MYO5B: variants seen among roughly 807,000 people sequenced by gnomAD.
The protein encoded by MYO5B is unconventional myosin-Vb.
MYO5B carries 143 observed loss-of-function variants against 229.3 expected under a neutral mutation model. The ratio of observed to expected loss-of-function variants is 0.62; its 90% CI spans 0.54 to 0.72. The LOEUF (loss-of-function observed/expected upper bound fraction) is 0.72. Among genes scored for constraint, MYO5B ranks in the 30% least tolerant of loss-of-function variants. The probability of loss-of-function intolerance (pLI) is 0.00; values close to 1 mark genes in which losing one functional copy is unlikely to be tolerated. For missense variants in MYO5B, 2,321 were observed against 2,331.0 expected (o/e 1.00, Z 0.09); for synonymous variants, 918 against 885.2 (o/e 1.04, Z -0.66).
chr18:50,131,206 C>A (rs2032249280), intron 1 of MYO5B, among the ~76,000 whole-genome samples: 1 of 152,204 alleles, frequency 6.6e-6, no homozygotes, highest in Non-Finnish European at 1.5e-5. Context: ...TGCATAGAAA[C>A]TTAGTCCTGA....
intron 14 of MYO5B, among the ~76,000 whole-genome samples, chr18:49,942,372 C>A: frequency 8.5e-6 from 1 of 117,878 alleles, no homozygotes. Flanking sequence ...TAAAGAGCTT[C>A]TGCACAGCAA....
At chr18:50,056,536 C>T (rs1303938875) in intron 1 of MYO5B, among the ~76,000 whole-genome samples, 1 of 152,140 alleles carries the variant, frequency 6.6e-6, no homozygotes, top group Non-Finnish European at 1.5e-5. Context: ...GCTTCTTTGG[C>T]CATAGAATAT....
At chr18:49,995,463 G>A (rs909081947) in intron 5 of MYO5B, among the ~76,000 whole-genome samples, 1 of 151,304 alleles carries the variant, frequency 6.6e-6, no homozygotes, top group African/African-American at 2.4e-5. Context: ...GTTTCACCGT[G>A]TTAGCCAGGA....
intron 1 of MYO5B, among the ~76,000 whole-genome samples, chr18:50,191,568 TG>T (rs2033227064): frequency 3.9e-5 from 6 of 152,230 alleles, no homozygotes; most frequent in Admixed American, 2.0e-4. Flanking sequence ...AAAATCAAAT[TG>T]AGTGTTTTCT....
At chr18:50,043,355 A>ATAT (rs1446397326) in intron 2 of MYO5B, among the ~76,000 whole-genome samples, 237 of 115,318 alleles carry the variant, frequency 2.1e-3, no homozygotes, top group Non-Finnish European at 3.5e-3. Flanking sequence ...TATATATAAT[A>ATAT]TAAATATATT....
At chr18:49,895,554 T>C (rs2024769021) in intron 21 of MYO5B, among the ~76,000 whole-genome samples, 1 of 148,360 alleles carries the variant, frequency 6.7e-6, no homozygotes, top group African/African-American at 2.6e-5. Context: ...TTAGGTTTCT[T>C]TGCTCTTTCA....
At chr18:49,979,807 G>A (rs1023257758) in intron 9 of MYO5B, among the ~76,000 whole-genome samples, 1 of 152,202 alleles carries the variant, frequency 6.6e-6, no homozygotes, top group African/African-American at 2.4e-5. Context: ...TTAAATTCCA[G>A]AAGGCACAGC....
chr18:50,054,469 A>T (rs754851432), intron 2 of MYO5B, among the ~76,000 whole-genome samples: 1 of 152,166 alleles, frequency 6.6e-6, no homozygotes, highest in East Asian at 1.9e-4. Flanking sequence ...GCACTGAGCT[A>T]TCTGAAACAG....
rs2023833866 is a variant in MYO5B at position 49,825,641 on chromosome 18, C to T, written c.*830G>A. The stretch of plus-strand genomic sequence containing the variant: ...CTATAAATAAAACAAGTTTGTTATC[C>T]GTTTCTAATATTTAGCTTATATACA... On this transcript the variant is annotated 3_prime_UTR_variant, in exon 40 of 40. Coordinates refer to ENST00000285039, the MANE Select transcript of MYO5B (RefSeq NM_001080467.3). 2 of 152,180 alleles carry T rather than the reference C, an allele frequency of 1.3e-5. No homozygotes were observed. The highest frequency in any genetic ancestry group is 6.5e-5 in the Admixed American group (1 of 15,278). 9.4% of individuals were successfully genotyped at this position (152,180 alleles called of 1,614,324 possible).
At position 49,952,872 on chromosome 18, in the gene MYO5B, C is replaced by CTG. The variant is rs2025444472; in HGVS notation, c.1752+386_1752+387dup. ...TGATGGGGTTTAAATAATCTTACAT[C>CTG]TGCAGGCAGGAGACGGAGGACAGAT... On this transcript the variant is annotated intron_variant, in intron 14 of 39. Coordinates refer to ENST00000285039, the MANE Select transcript of MYO5B (RefSeq NM_001080467.3). Among the ~76,000 whole-genome samples the CTG allele has an allele frequency of 2.6e-5, 4 of 152,036 alleles. No individual in the cohort carries two copies. The South Asian group carries it at 8.3e-4, about 32-fold the overall frequency.
intron 1 of MYO5B, among the ~76,000 whole-genome samples, chr18:50,114,129 T>G (rs931301056): frequency 2.0e-5 from 3 of 152,162 alleles, no homozygotes; most frequent in Non-Finnish European, 4.4e-5. Flanking sequence ...AATAAGCAGT[T>G]GCAATGAGGA....
At position 49,843,231 on chromosome 18, in the gene MYO5B, G is replaced by A. The variant is rs779824302; in HGVS notation, c.4611+10C>T. 22 of 1,613,456 alleles carry A rather than the reference G, an allele frequency of 1.4e-5. No individual in the cohort carries two copies. The highest frequency in any genetic ancestry group is 1.8e-5 in the Non-Finnish European group (21 of 1,180,010). ...ACCACAAACCATGACCTTCTGCAGG[G>A]GCTGCTTACTTTCAGGACTTTCTTA... On this transcript the variant is annotated intron_variant, in intron 34 of 39. Coordinates refer to ENST00000285039, the MANE Select transcript of MYO5B (RefSeq NM_001080467.3).
intron 28 of MYO5B, among the ~76,000 whole-genome samples, 168 bp from the exon 29 acceptor site, chr18:49,863,495 T>C (rs1331565079): frequency 6.6e-6 from 1 of 152,124 alleles, no homozygotes; most frequent in Non-Finnish European, 1.5e-5. Context: ...AAAGGTCATC[T>C]TGGAAGAGAC....
At chr18:49,967,154 G>T (rs548305169) in intron 10 of MYO5B, among the ~76,000 whole-genome samples, 128 of 152,244 alleles carry the variant, frequency 8.4e-4, no homozygotes, top group African/African-American at 2.9e-3. Flanking sequence ...GTGGCATCTG[G>T]TCTCTCGATG....
intron 14 of MYO5B, among the ~76,000 whole-genome samples, chr18:49,942,171 T>C (rs993138221): frequency 1.3e-5 from 2 of 151,294 alleles, no homozygotes; most frequent in Non-Finnish European, 2.9e-5. Context: ...CCTTACACCT[T>C]ATACAAAAAT....
At chr18:49,852,540 G>C (rs1411210028) in intron 31 of MYO5B, among the ~76,000 whole-genome samples, 1 of 152,150 alleles carries the variant, frequency 6.6e-6, no homozygotes, top group Non-Finnish European at 1.5e-5. Flanking sequence ...AACCACAGAT[G>C]ATCTGGTTAT....
rs189765436 is a variant in MYO5B at position 49,920,615 on chromosome 18, C to T, written c.2091-8442G>A. On this transcript the variant is annotated intron_variant, in intron 17 of 39. Coordinates refer to ENST00000285039, the MANE Select transcript of MYO5B (RefSeq NM_001080467.3). ...CCTCCCCACTGGCTCCGAGTTGGAG[C>T]TGAGACACAAAGTGAGGACACAGGA... 2.6e-3 allele frequency among the ~76,000 whole-genome samples: 403 copies of T among 152,274 alleles called. 8 individuals carry two copies. In the South Asian group the frequency reaches 0.042, roughly 16 times the overall value.
Position 49,880,379 on chromosome 18 carries a change from T to G in MYO5B, c.3122A>C (p.Gln1041Pro). ...KEQLNNQILC[Q>P]SKDEFAQNSV... is the part of the protein sequence containing the mutation. ...AGTGCTTTGGTACTTACCTTTAGAC[T>G]GGCACAGGATTTGGTTGTTGAGCTG... Residue 1041 changes from glutamine to proline, a missense_variant, in exon 23 of 40, where the codon CAG (glutamine) becomes CCG (proline). This residue lies in a region of MYO5B where 2,113 missense variants were observed against 2,044.7 expected (regional missense o/e 1.03). Transcript: ENST00000285039. 1 of 1,613,910 alleles carries G rather than the reference T, an allele frequency of 6.2e-7. No homozygotes were observed. The highest frequency in any genetic ancestry group is 2.2e-5 in the East Asian group (1 of 44,866).
At chr18:49,880,231 A>T in intron 23 of MYO5B, 140 bp downstream of exon 23, 1 of 757,272 alleles carries the variant, frequency 1.3e-6, no homozygotes, top group Non-Finnish European at 2.4e-6. Context: ...AAAGGTCATT[A>T]TTCTTCATCT....
Sources: allele counts gnomAD v4.1 joint callset (sites outside exome capture counted in the v4.1 genomes callset), GRCh38; gene constraint gnomAD v4.1.1; regional missense constraint gnomAD v4.1.1; transcripts MANE v1.5; gene names NCBI Gene and HGNC (gene_info 2026-07-23, HGNC 2026-07-21).